TSPAN11: variants seen among roughly 807,000 people sequenced by gnomAD.
The protein encoded by TSPAN11 is tetraspanin 11, also known as tetraspanin-11.
Under a neutral mutation model 32.9 loss-of-function variants are expected in TSPAN11, and 29 were observed. The ratio of observed to expected loss-of-function variants is 0.88; its 90% CI spans 0.66 to 1.20. The LOEUF is 1.20. Ranked by LOEUF, TSPAN11 falls within the 50% of genes most tolerant of loss-of-function variation. The pLI is 0.00. For synonymous variants in TSPAN11, 140 were observed against 141.3 expected (o/e 0.99, Z 0.07); for missense variants, 283 against 329.1 (o/e 0.86, Z 1.08).
intron 4 of TSPAN11, among the ~76,000 whole-genome samples, chr12:30,979,238 C>A (rs1482082083): frequency 6.6e-6 from 1 of 152,324 alleles, no homozygotes. Context: ...ACAGACATTT[C>A]AAAGCACCCT....
At chr12:31,001,206 G>A (rs918292728), downstream of TSPAN11, among the ~76,000 whole-genome samples, 1 of 152,192 alleles carries the variant, frequency 6.6e-6, no homozygotes, top group Non-Finnish European at 1.5e-5. Context: ...GGTTTTCAAG[G>A]TTGTGATCTG....
chr12:30,935,090 C>G (rs956945200), intron 1 of TSPAN11, among the ~76,000 whole-genome samples: 6 of 152,156 alleles, frequency 3.9e-5, no homozygotes, highest in Non-Finnish European at 7.4e-5. Context: ...CAAGAACACA[C>G]ACTCTCCCCA....
chr12:30,941,951 A>G (rs1938174788), intron 1 of TSPAN11, among the ~76,000 whole-genome samples: 1 of 152,204 alleles, frequency 6.6e-6, no homozygotes, highest in Non-Finnish European at 1.5e-5. Context: ...TGTCTGAGCC[A>G]GTTTGCTTTG....
chr12:31,003,052 T>C, the TSPAN11 span, among the ~76,000 whole-genome samples: 1,134 of 152,342 alleles, frequency 7.4e-3, 14 homozygotes, highest in African/African-American at 0.026. Context: ...TCAGACATCC[T>C]ACTGTAATCA....
At chr12:30,990,254 C>T (rs1428236743) in intron 7 of TSPAN11, among the ~76,000 whole-genome samples, 1 of 152,202 alleles carries the variant, frequency 6.6e-6, no homozygotes, top group Non-Finnish European at 1.5e-5. Context: ...GAACACCCAG[C>T]TCACGCAGGA....
At chr12:30,934,611 G>A (rs530394807) in intron 1 of TSPAN11, among the ~76,000 whole-genome samples, 2 of 151,662 alleles carry the variant, frequency 1.3e-5, no homozygotes, top group African/African-American at 2.4e-5. Flanking sequence ...ACACAAATTC[G>A]GAAACTTAAA....
chr12:30,997,605 G>T (rs1939435217), downstream of TSPAN11: 1 of 152,288 alleles, frequency 6.6e-6, no homozygotes, highest in South Asian at 2.0e-4. Context: ...CAACAAGGGG[G>T]AAGTCCGCCC....
At position 30,953,986 on chromosome 12, in the gene TSPAN11, G is replaced by A; in HGVS notation, c.-6G>A. 1 of 1,612,550 alleles carries A rather than the reference G, an allele frequency of 6.2e-7. No homozygotes were observed. The highest frequency in any genetic ancestry group is 8.5e-7 in the Non-Finnish European group (1 of 1,179,270). ...CATATGTGTCTTCTCTGCAGGCCCA[G>A]AAGCCATGGCCCACTATAAGACTGA... On this transcript the variant is annotated 5_prime_UTR_variant, in exon 2 of 8. Coordinates refer to ENST00000546076, the MANE Select transcript of TSPAN11 (RefSeq NM_001370302.1).
At chr12:30,986,026 T>G (rs1170543549) in intron 7 of TSPAN11, among the ~76,000 whole-genome samples, 1 of 152,222 alleles carries the variant, frequency 6.6e-6, no homozygotes, top group African/African-American at 2.4e-5. Flanking sequence ...CAGCTGACGC[T>G]GGGCACTACA....
chr12:30,986,560 G>T (rs1232087443), intron 7 of TSPAN11, among the ~76,000 whole-genome samples: 2 of 152,192 alleles, frequency 1.3e-5, no homozygotes, highest in Non-Finnish European at 2.9e-5. Context: ...AAAGCTGTGG[G>T]TCTAGCCCAT....
intron 1 of TSPAN11, among the ~76,000 whole-genome samples, chr12:30,953,036 C>G (rs1565792492): frequency 6.6e-6 from 1 of 152,198 alleles, no homozygotes; most frequent in Non-Finnish European, 1.5e-5. Context: ...AGTAGGCCCT[C>G]TCTGCCTGTA....
intron 3 of TSPAN11, among the ~76,000 whole-genome samples, chr12:30,973,008 T>G (rs780291186): frequency 2.0e-5 from 3 of 152,086 alleles, no homozygotes; most frequent in African/African-American, 7.2e-5. Flanking sequence ...GGAGGAGCAC[T>G]GACACCCCTG....
At chr12:30,972,184 G>A (rs796316718) in intron 3 of TSPAN11, among the ~76,000 whole-genome samples, 1 of 152,176 alleles carries the variant, frequency 6.6e-6, no homozygotes, top group East Asian at 1.9e-4. Context: ...TGGACCTGCA[G>A]GGGCAGACCA....
At chr12:30,945,943 A>C (rs1938257960) in intron 1 of TSPAN11, among the ~76,000 whole-genome samples, 1 of 152,178 alleles carries the variant, frequency 6.6e-6, no homozygotes, top group Non-Finnish European at 1.5e-5. Flanking sequence ...CATTACCAGG[A>C]TATCTGGGAA....
chr12:30,987,159 T>C (rs574726273), intron 7 of TSPAN11, among the ~76,000 whole-genome samples: 1 of 152,300 alleles, frequency 6.6e-6, no homozygotes, highest in African/African-American at 2.4e-5. Context: ...AGTTACATGA[T>C]AGGGTGCTGC....
the TSPAN11 span, among the ~76,000 whole-genome samples, chr12:31,013,325 G>A: frequency 6.6e-6 from 1 of 152,098 alleles, no homozygotes; most frequent in Non-Finnish European, 1.5e-5. Context: ...AGGGAGCAGT[G>A]GCTCACACCT....
At chr12:31,008,668 A>T in the TSPAN11 span, among the ~76,000 whole-genome samples, 953 of 152,356 alleles carry the variant, frequency 6.3e-3, 7 homozygotes, top group African/African-American at 0.022. Flanking sequence ...CCTGGGAGGC[A>T]GCCCGCTTTT....
chr12:30,967,921 C>T lies in TSPAN11; in HGVS notation c.276+3904C>T, dbSNP rs534109306. Reference sequence around the variant, plus strand: ...TAATCCACATCCTGGCCCAACAGCCCGTGAAGCATCGAGCACTTGATTGTT... The same window carrying T: ...TAATCCACATCCTGGCCCAACAGCCTGTGAAGCATCGAGCACTTGATTGTT... On this transcript the variant is annotated intron_variant, in intron 3 of 7. Transcript: ENST00000546076. Among the ~76,000 whole-genome samples the T allele has an allele frequency of 2.0e-5, 3 of 152,050 alleles. No homozygotes were observed. The South Asian group carries it at 6.2e-4, about 32-fold the overall frequency.
the TSPAN11 span, among the ~76,000 whole-genome samples, chr12:31,012,948 C>A: frequency 0.048 from 7,239 of 152,280 alleles, 207 homozygotes; most frequent in Middle Eastern, 0.14. Context: ...GTTACCACAT[C>A]TGAGGGTGTC....
Sources: allele counts gnomAD v4.1 joint callset (sites outside exome capture counted in the v4.1 genomes callset), GRCh38; gene constraint gnomAD v4.1.1; transcripts MANE v1.5; gene names NCBI Gene and HGNC (gene_info 2026-07-23, HGNC 2026-07-21).